Variants in SNTG1 observed in about 807,000 individuals in gnomAD.
The protein encoded by SNTG1 is syntrophin gamma 1, also known as gamma-1-syntrophin.
A neutral mutation model predicts 74.7 loss-of-function variants in SNTG1; 39 were observed. The observed-to-expected ratio is 0.52, with a 90% CI of 0.40 to 0.68. SNTG1 has a LOEUF of 0.68. SNTG1 is among the 30% of genes least tolerant of loss of function. The pLI, the probability that SNTG1 is intolerant of heterozygous loss-of-function variation, is 0.00. For synonymous variants in SNTG1, 254 were observed against 217.1 expected (o/e 1.17, Z -1.49); for missense variants, 685 against 609.5 (o/e 1.12, Z -1.30).
intron 2 of SNTG1, among the ~76,000 whole-genome samples, chr8:50,225,163 G>A (rs920682618): frequency 2.6e-5 from 4 of 151,854 alleles, no homozygotes; most frequent in South Asian, 2.1e-4. Flanking sequence ...TAGTAGAGAC[G>A]GGGTTTCACC....
chr8:49,969,491 T>C (rs1041618456), intron 1 of SNTG1, among the ~76,000 whole-genome samples: 2 of 146,772 alleles, frequency 1.4e-5, no homozygotes, highest in African/African-American at 2.6e-5. Flanking sequence ...CTGCCTCCCA[T>C]GTTCAAGCAA....
At chr8:50,673,436 C>T (rs1465724000) in intron 15 of SNTG1, among the ~76,000 whole-genome samples, 2 of 152,058 alleles carry the variant, frequency 1.3e-5, no homozygotes, top group Admixed American at 6.6e-5. Context: ...CTCTTTGTAG[C>T]CATTGTGAAT....
chr8:50,503,274 G>T (rs998541283), intron 9 of SNTG1, among the ~76,000 whole-genome samples: 2 of 152,060 alleles, frequency 1.3e-5, no homozygotes, highest in African/African-American at 4.8e-5. Flanking sequence ...GAAAAAAAGC[G>T]TTTGCCTTTG....
chr8:50,015,633 T>C (rs1816236573), intron 1 of SNTG1, among the ~76,000 whole-genome samples: 1 of 152,090 alleles, frequency 6.6e-6, no homozygotes, highest in South Asian at 2.1e-4. Context: ...TTAATATCAG[T>C]TTAGTGCAAA....
At chr8:50,607,499 T>C (rs2094821320) in intron 13 of SNTG1, among the ~76,000 whole-genome samples, 1 of 151,752 alleles carries the variant, frequency 6.6e-6, no homozygotes, top group Non-Finnish European at 1.5e-5. Context: ...CATTGGTATA[T>C]ATTTATTTGT....
At chr8:50,117,031 AAAC>A (rs1253407146) in intron 1 of SNTG1, among the ~76,000 whole-genome samples, 1 of 152,130 alleles carries the variant, frequency 6.6e-6, no homozygotes, top group Non-Finnish European at 1.5e-5. Context: ...ATGAGGCATG[AAAC>A]AACATGACGA....
chr8:50,352,854 T>C (rs1176189696), intron 2 of SNTG1, among the ~76,000 whole-genome samples: 1 of 152,182 alleles, frequency 6.6e-6, no homozygotes, highest in Non-Finnish European at 1.5e-5. Flanking sequence ...TGTCAATTCC[T>C]TAGGGATCTA....
rs1314503973 is a variant in SNTG1 at position 50,421,593 on chromosome 8, C to T, written c.163-16950C>T. ...CATCCTGTGACTAAGAATGCCTTAA[C>T]CTCCTAGTAGTGCAGCCCAATAGGT... On this transcript the variant is annotated intron_variant, in intron 4 of 18. Transcript: ENST00000642720. Among the ~76,000 whole-genome samples, 3 of 152,148 alleles carry T rather than the reference C, an allele frequency of 2.0e-5. No homozygotes were observed. The South Asian group carries it at 6.2e-4, about 32-fold the overall frequency.
chr8:50,348,733 T>C (rs1459690528), intron 2 of SNTG1, among the ~76,000 whole-genome samples: 1 of 152,238 alleles, frequency 6.6e-6, no homozygotes, highest in Non-Finnish European at 1.5e-5. Context: ...TAACACTGTA[T>C]AGACTTAAGA....
At chr8:50,098,247 A>G (rs1206142351) in intron 1 of SNTG1, among the ~76,000 whole-genome samples, 3 of 152,174 alleles carry the variant, frequency 2.0e-5, no homozygotes. Flanking sequence ...TATGCCAACT[A>G]ATTTATCCCA....
intron 4 of SNTG1, among the ~76,000 whole-genome samples, chr8:50,433,353 C>A (rs543959016): frequency 3.5e-4 from 53 of 152,162 alleles, no homozygotes; most frequent in South Asian, 2.1e-4. Context: ...TTCATCACTG[C>A]GCTAGCTAGA....
At chr8:50,760,289 A>G (rs1268371019) in intron 18 of SNTG1, among the ~76,000 whole-genome samples, 1 of 152,104 alleles carries the variant, frequency 6.6e-6, no homozygotes, top group South Asian at 2.1e-4. Flanking sequence ...TCATCTGCAA[A>G]CAGAAATATT....
At chr8:50,211,717 A>T (rs943900727) in intron 2 of SNTG1, among the ~76,000 whole-genome samples, 2 of 152,164 alleles carry the variant, frequency 1.3e-5, no homozygotes, top group African/African-American at 4.8e-5. Flanking sequence ...AACATTTTTA[A>T]AAAATGTTTT....
chr8:50,259,590 A>G (rs1199152913), intron 2 of SNTG1, among the ~76,000 whole-genome samples: 3 of 151,364 alleles, frequency 2.0e-5, no homozygotes, highest in Admixed American at 6.6e-5. Context: ...AAAGAAGAAA[A>G]GCACATTTCC....
chr8:50,160,519 G>A (rs2082382729), intron 1 of SNTG1, among the ~76,000 whole-genome samples: 1 of 151,990 alleles, frequency 6.6e-6, no homozygotes, highest in Non-Finnish European at 1.5e-5. Flanking sequence ...GCTTTTCTGT[G>A]CTTTCATTTT....
chr8:50,792,695 G>T lies in SNTG1; in HGVS notation c.1420G>T (p.Ala474Ser). 5 of 1,605,232 alleles carry T rather than the reference G, an allele frequency of 3.1e-6. No individual in the cohort carries two copies. The highest frequency in any genetic ancestry group is 4.3e-6 in the Non-Finnish European group (5 of 1,175,326). ...AKELEFSNLFAVLHCIHSFFA... is the reference protein window; with the variant it reads ...AKELEFSNLFSVLHCIHSFFA... The stretch of plus-strand genomic sequence containing the variant: ...GGAGTTGGAATTTTCTAATTTATTT[G>T]CTGTTCTTCACTGCATTCATTCCTT... Residue 474 changes from alanine (A) to serine (S), a missense_variant, in exon 19 of 19, where the codon GCT becomes TCT. By Grantham distance (99) the Ala-to-Ser change is moderately conservative. Coordinates refer to ENST00000642720, the MANE Select transcript of SNTG1 (RefSeq NM_018967.5).
intron 1 of SNTG1, among the ~76,000 whole-genome samples, chr8:50,059,783 A>G (rs556166005): frequency 6.6e-6 from 1 of 152,120 alleles, no homozygotes; most frequent in African/African-American, 2.4e-5. Context: ...GGGTATCATG[A>G]ATAATGCTTT....
chr8:50,603,227 A>AT (rs1266387936), intron 13 of SNTG1, among the ~76,000 whole-genome samples: 1 of 151,770 alleles, frequency 6.6e-6, no homozygotes, highest in African/African-American at 2.4e-5. Context: ...CTCTTCTGTG[A>AT]TTTTCAAATA....
chr8:50,394,005 T>C (rs962996083), intron 2 of SNTG1, among the ~76,000 whole-genome samples: 15 of 152,216 alleles, frequency 9.9e-5, no homozygotes, highest in Admixed American at 6.5e-4. Context: ...TGGCAGGATA[T>C]TTATACTTCC....
Sources: gnomAD v4.1 joint callset for allele counts (sites outside exome capture counted in the v4.1 genomes callset) on GRCh38, gnomAD v4.1.1 for gene constraint, MANE v1.5 for transcripts, NCBI Gene and HGNC (gene_info 2026-07-23, HGNC 2026-07-21) for gene names.